SCHIP1: variants seen among roughly 807,000 people sequenced by gnomAD.
The protein encoded by SCHIP1 is schwannomin-interacting protein 1.
SCHIP1 carries 8 observed loss-of-function variants against 29.7 expected under a neutral mutation model. The ratio of observed to expected loss-of-function variants is 0.27; its 90% confidence interval spans 0.16 to 0.49. SCHIP1 has a LOEUF of 0.49. Among genes scored for constraint, SCHIP1 ranks in the 20% least tolerant of loss-of-function variants. The probability of loss-of-function intolerance (pLI) is 0.99; values close to 1 mark genes in which losing one functional copy is unlikely to be tolerated. For missense variants in SCHIP1, 193 were observed against 294.6 expected (o/e 0.66, Z 2.52); for synonymous variants, 76 against 94.9 (o/e 0.80, Z 1.16).
chr3:159,396,628 T>A, the SCHIP1 span, among the ~76,000 whole-genome samples: 1 of 152,152 alleles, frequency 6.6e-6, no homozygotes, highest in Admixed American at 6.5e-5. Flanking sequence ...TTCTTTTCTT[T>A]AAGAATGTTG....
At chr3:159,393,354 T>C in the SCHIP1 span, among the ~76,000 whole-genome samples, 2 of 152,116 alleles carry the variant, frequency 1.3e-5, no homozygotes, top group African/African-American at 4.8e-5. Flanking sequence ...TTTCTTGCCA[T>C]TGCTTTTGGT....
At chr3:159,310,846 TGGTAATATAG>T in the SCHIP1 span, among the ~76,000 whole-genome samples, 1 of 152,174 alleles carries the variant, frequency 6.6e-6, no homozygotes, top group African/African-American at 2.4e-5. Flanking sequence ...AGGGAGATTT[TGGTAATATAG>T]ATTCAGGTGG....
chr3:159,542,578 T>C, the SCHIP1 span, among the ~76,000 whole-genome samples: 2 of 152,186 alleles, frequency 1.3e-5, no homozygotes, highest in Admixed American at 6.6e-5. Flanking sequence ...CGGTATTCCA[T>C]TGTATGGATA....
the SCHIP1 span, chr3:159,400,982 C>T: frequency 3.2e-5 from 5 of 154,286 alleles, no homozygotes; most frequent in African/African-American, 1.2e-4. Flanking sequence ...ATAGTATTTG[C>T]CTAATAGGGC....
At chr3:159,759,485 CT>C in the SCHIP1 span, among the ~76,000 whole-genome samples, 1 of 152,166 alleles carries the variant, frequency 6.6e-6, no homozygotes, top group African/African-American at 2.4e-5. Flanking sequence ...CTGGAAGTAG[CT>C]TTTTAGTTCA....
chr3:159,398,695 G>T, the SCHIP1 span: 1 of 152,110 alleles, frequency 6.6e-6, no homozygotes, highest in Non-Finnish European at 1.5e-5. Flanking sequence ...ACTGATAATT[G>T]TTTGAATCTG....
the SCHIP1 span, among the ~76,000 whole-genome samples, chr3:159,695,008 C>T: frequency 6.6e-6 from 1 of 152,326 alleles, no homozygotes; most frequent in South Asian, 2.1e-4. Context: ...CCCAATTACT[C>T]TAGAGCTTCT....
At chr3:159,312,312 A>C in the SCHIP1 span, among the ~76,000 whole-genome samples, 87 of 152,296 alleles carry the variant, frequency 5.7e-4, no homozygotes, top group African/African-American at 2.0e-3. Context: ...TTGGTGAGAA[A>C]GTGGTGATCT....
the SCHIP1 span, among the ~76,000 whole-genome samples, chr3:159,323,168 A>G: frequency 7.9e-5 from 12 of 152,228 alleles, no homozygotes; most frequent in Admixed American, 4.6e-4. Flanking sequence ...GGATATCTCA[A>G]TGGGGAAATG....
chr3:159,463,733 C>G, the SCHIP1 span, among the ~76,000 whole-genome samples: 904 of 126,772 alleles, frequency 7.1e-3, 10 homozygotes, highest in African/African-American at 0.027. Context: ...TGGAAGAGAA[C>G]AGAATGAGAT....
At chr3:159,273,279 T>G in the SCHIP1 span, 18 of 985,928 alleles carry the variant, frequency 1.8e-5, no homozygotes, top group Non-Finnish European at 2.2e-5. Flanking sequence ...CAGAGCCTGA[T>G]TTCTGCTGTG....
At chr3:159,766,398 A>G in the SCHIP1 span, among the ~76,000 whole-genome samples, 2 of 152,220 alleles carry the variant, frequency 1.3e-5, no homozygotes, top group Admixed American at 1.3e-4. Flanking sequence ...TAGCATACTC[A>G]TTTTAATTCC....
the SCHIP1 span, among the ~76,000 whole-genome samples, chr3:159,585,456 G>A: frequency 6.6e-6 from 1 of 152,094 alleles, no homozygotes; most frequent in Non-Finnish European, 1.5e-5. Flanking sequence ...TGTTCCATGT[G>A]CTACTTGGAA....
chr3:159,631,518 G>T, the SCHIP1 span, among the ~76,000 whole-genome samples: 1 of 152,094 alleles, frequency 6.6e-6, no homozygotes, highest in African/African-American at 2.4e-5. Context: ...TATGACACAC[G>T]CTACCCTGTC....
At chr3:159,683,518 G>C in the SCHIP1 span, among the ~76,000 whole-genome samples, 1 of 151,920 alleles carries the variant, frequency 6.6e-6, no homozygotes, top group Non-Finnish European at 1.5e-5. Context: ...AACCTGGCAT[G>C]GCTCCTTTCG....
chr3:159,627,166 G>T, the SCHIP1 span, among the ~76,000 whole-genome samples: 1 of 152,150 alleles, frequency 6.6e-6, no homozygotes, highest in Non-Finnish European at 1.5e-5. Context: ...TGCTGAGAAT[G>T]ATGGTTTTCA....
chr3:159,840,108 G>A, exon 1 of SCHIP1: 1 of 1,529,764 alleles, frequency 6.5e-7, no homozygotes, highest in South Asian at 1.2e-5. Flanking sequence ...CCGCCCGCCG[G>A]TGGATGCTCC....
the SCHIP1 span, among the ~76,000 whole-genome samples, chr3:159,365,814 T>C: frequency 6.6e-6 from 1 of 152,198 alleles, no homozygotes; most frequent in Non-Finnish European, 1.5e-5. Flanking sequence ...CTTCACACAT[T>C]GGACAGAGTG....
At chr3:159,755,088 A>T in the SCHIP1 span, among the ~76,000 whole-genome samples, 1 of 152,142 alleles carries the variant, frequency 6.6e-6, no homozygotes, top group African/African-American at 2.4e-5. Flanking sequence ...ACAAAAAATT[A>T]GCCAGGCGTG....
Sources: allele counts gnomAD v4.1 joint callset (sites outside exome capture counted in the v4.1 genomes callset), GRCh38; gene constraint gnomAD v4.1.1; transcripts MANE v1.5; gene names NCBI Gene and HGNC (gene_info 2026-07-23, HGNC 2026-07-21).